Variants in COL4A6 observed in about 807,000 individuals in gnomAD.
COL4A6 encodes collagen type IV alpha 6 chain, also known as collagen alpha-6(IV) chain.
COL4A6 carries 59 observed loss-of-function variants against 126.7 expected under a neutral mutation model. The ratio of observed to expected loss-of-function variants is 0.47; its 90% CI spans 0.38 to 0.58. COL4A6 has a LOEUF of 0.58. Among genes scored for constraint, COL4A6 ranks in the 20% least tolerant of loss-of-function variants. COL4A6 has a pLI of 0.00. For synonymous variants in COL4A6, 547 were observed against 496.6 expected (o/e 1.10, Z -1.35); for missense variants, 1,285 against 1,337.3 (o/e 0.96, Z 0.61).
chrX:108,218,484 C>T (rs1281056679), intron 5 of COL4A6, among the ~76,000 whole-genome samples: 1 of 112,450 alleles, frequency 8.9e-6, no homozygotes. Context: ...TTTGTTGATA[C>T]ATGCAACAGA....
upstream of COL4A6, chrX:108,439,427 T>C (rs1489936125): frequency 1.5e-6 from 1 of 670,288 alleles, no homozygotes; most frequent in Non-Finnish European, 2.1e-6. Context: ...AGAAACTCTC[T>C]GTTCTGTGAG....
At chrX:108,205,986 T>C (rs988817821) in intron 9 of COL4A6, among the ~76,000 whole-genome samples, 1 of 111,418 alleles carries the variant, frequency 9.0e-6, no homozygotes, top group African/African-American at 3.3e-5. Context: ...TACTGAGTAA[T>C]GGGATTTCTT....
intron 24 of COL4A6, 124 bp downstream of exon 24, chrX:108,180,773 C>A: frequency 1.2e-6 from 1 of 847,905 alleles, no homozygotes. Flanking sequence ...CCTGTTTCCT[C>A]AATCCCCAAG....
At chrX:108,317,987 A>G (rs187888757) in intron 2 of COL4A6, among the ~76,000 whole-genome samples, 3,321 of 111,414 alleles carry the variant, frequency 0.03, 120 homozygotes, top group African/African-American at 0.1. Context: ...AGCTTGATGG[A>G]GATGGCATTG....
At chrX:108,392,455 C>T (rs1237143858) in intron 2 of COL4A6, among the ~76,000 whole-genome samples, 2 of 105,377 alleles carry the variant, frequency 1.9e-5, no homozygotes, top group Non-Finnish European at 3.9e-5. Context: ...GACAAATGAT[C>T]TGAAAAAAAA....
chrX:108,221,519 C>T (rs888625074), intron 3 of COL4A6, 145 bp from the exon 4 acceptor site: 23 of 617,845 alleles, frequency 3.7e-5, no homozygotes, highest in African/African-American at 2.9e-4. Context: ...GTTCCAGACA[C>T]GGATCAGAAA....
chrX:108,206,762 T>C (rs747756629), intron 8 of COL4A6, 182 bp from the exon 9 acceptor site: 1 of 536,048 alleles, frequency 1.9e-6, no homozygotes, highest in Non-Finnish European at 3.4e-6. Context: ...ATTCAAACAG[T>C]GGAATAAATG....
intron 3 of COL4A6, among the ~76,000 whole-genome samples, chrX:108,228,305 CTTATAG>C (rs905531818): frequency 4.5e-5 from 5 of 112,158 alleles, no homozygotes; most frequent in African/African-American, 9.7e-5. Flanking sequence ...ATTCATGAAA[CTTATAG>C]TTATGTTATC....
chrX:108,356,889 A>C (rs2039973382), intron 2 of COL4A6, among the ~76,000 whole-genome samples: 1 of 108,323 alleles, frequency 9.2e-6, no homozygotes, highest in Admixed American at 9.8e-5. Context: ...AGAGCAGAAG[A>C]AGCACATTTC....
intron 2 of COL4A6, among the ~76,000 whole-genome samples, chrX:108,359,245 C>A (rs1010979969): frequency 8.9e-6 from 1 of 112,193 alleles, no homozygotes; most frequent in Non-Finnish European, 1.9e-5. Context: ...ATATCATTAT[C>A]CTCATTTTAT....
intron 20 of COL4A6, among the ~76,000 whole-genome samples, 197 bp from the exon 21 acceptor site, chrX:108,188,874 A>T (rs2034953883): frequency 1.8e-5 from 2 of 112,071 alleles, no homozygotes; most frequent in East Asian, 5.6e-4. Flanking sequence ...TTAGTCAGGG[A>T]TGAGGCTCAG....
intron 2 of COL4A6, among the ~76,000 whole-genome samples, chrX:108,378,256 A>G (rs1470106241): frequency 1.8e-5 from 2 of 111,561 alleles, no homozygotes; most frequent in Non-Finnish European, 3.8e-5. Flanking sequence ...AGTGTTCACC[A>G]ACATTTTAGG....
chrX:108,175,827 C>A, intron 28 of COL4A6, 30 bp from the exon 29 acceptor site: 1 of 1,156,753 alleles, frequency 8.6e-7, no homozygotes, highest in South Asian at 2.0e-5. Context: ...TTTATTATCA[C>A]TCCCATTTTA....
intron 3 of COL4A6, among the ~76,000 whole-genome samples, chrX:108,244,833 AAG>A (rs1484184031): frequency 8.9e-6 from 1 of 111,861 alleles, no homozygotes; most frequent in Admixed American, 9.5e-5. Flanking sequence ...TCATCCAAAA[AAG>A]AGCCAGATCA....
At chrX:108,415,091 A>T (rs2041410066) in intron 2 of COL4A6, among the ~76,000 whole-genome samples, 2 of 111,989 alleles carry the variant, frequency 1.8e-5, no homozygotes, top group South Asian at 3.8e-4. Flanking sequence ...TACAAATATC[A>T]TCCTCTCCAT....
intron 3 of COL4A6, among the ~76,000 whole-genome samples, chrX:108,273,138 A>G (rs2037498925): frequency 9.1e-6 from 1 of 110,233 alleles, no homozygotes; most frequent in Non-Finnish European, 1.9e-5. Flanking sequence ...CCTGTGTCCA[A>G]GTGTTCTCAA....
At chrX:108,296,345 A>G (rs1431679042) in intron 3 of COL4A6, among the ~76,000 whole-genome samples, 1 of 111,887 alleles carries the variant, frequency 8.9e-6, no homozygotes, top group Non-Finnish European at 1.9e-5. Context: ...ATGGGTGAGA[A>G]TTGCTACTCC....
At chrX:108,376,169 AT>A (rs2148117774) in intron 2 of COL4A6, among the ~76,000 whole-genome samples, 1 of 111,705 alleles carries the variant, frequency 9.0e-6, no homozygotes, top group Non-Finnish European at 1.9e-5. Flanking sequence ...AAAAATGATT[AT>A]TTTTTTCTGT....
At chrX:108,417,011 A>T (rs1467625999) in intron 2 of COL4A6, among the ~76,000 whole-genome samples, 1 of 112,283 alleles carries the variant, frequency 8.9e-6, no homozygotes, top group Non-Finnish European at 1.9e-5. Flanking sequence ...TTAATACTCT[A>T]TTTTCCTTTC....
Sources: allele counts gnomAD v4.1 joint callset (sites outside exome capture counted in the v4.1 genomes callset), GRCh38; gene constraint gnomAD v4.1.1; transcripts MANE v1.5; gene names NCBI Gene and HGNC (gene_info 2026-07-23, HGNC 2026-07-21).